Variants in NPM2 observed in about 807,000 individuals in gnomAD.
The protein encoded by NPM2 is nucleophosmin/nucleoplasmin 2, also known as nucleoplasmin-2.
NPM2 carries 25 observed loss-of-function variants against 32.0 expected under a neutral mutation model. The observed-to-expected ratio is 0.78, with a 90% CI of 0.57 to 1.09. The LOEUF is 1.09. NPM2 is among the 50% of genes least tolerant of loss of function. The probability of loss-of-function intolerance (pLI) is 0.00; values close to 1 mark genes in which losing one functional copy is unlikely to be tolerated. For synonymous variants in NPM2, 111 were observed against 94.2 expected, an observed-to-expected ratio of 1.18 and a Z score of -1.04; for missense variants, 282 against 259.9, an observed-to-expected ratio of 1.08 and a Z score of -0.58.
chr8:22,034,658 C>CAT, intron 8 of NPM2, 114 bp downstream of exon 8: 1 of 849,616 alleles, frequency 1.2e-6, no homozygotes, highest in Non-Finnish European at 1.9e-6. Context: ...GGTGTGTCTA[C>CAT]CTGCACTCGC....
intron 7 of NPM2, 106 bp downstream of exon 7, chr8:22,034,381 C>G: frequency 7.3e-7 from 1 of 1,376,408 alleles, no homozygotes; most frequent in Middle Eastern, 2.0e-4. Context: ...AATGAGTGTA[C>G]AGGATGGGCC....
intron 5 of NPM2, among the ~76,000 whole-genome samples, chr8:22,026,168 AG>A (rs1305356679): frequency 6.6e-6 from 1 of 152,110 alleles, no homozygotes; most frequent in Non-Finnish European, 1.5e-5. Context: ...TGTGCGTGCG[AG>A]GGGTCTAGGT....
intron 5 of NPM2, 24 bp from the exon 6 acceptor site, chr8:22,033,106 C>T (rs775453925): frequency 2.3e-5 from 37 of 1,592,974 alleles, no homozygotes; most frequent in Non-Finnish European, 3.1e-5. Flanking sequence ...GTGGCCCTGT[C>T]TTCTCTGCTT....
rs1462470714 is a variant in NPM2 at position 22,033,354 on chromosome 8, C to G, written c.364+131C>G. On this transcript the variant is annotated intron_variant, in intron 6 of 9. Transcript: ENST00000518119. ...AAAATCCCCAAAGGCAACATGACAG[C>G]CAGCAGCCTGGACTGGAAGGCAAGG... is the stretch of plus-strand genomic sequence containing the variant. The G allele has an allele frequency of 4.0e-6, 3 of 753,770 alleles. No homozygotes were observed. In the East Asian group the frequency reaches 8.1e-5, roughly 20 times the overall value. The allele number at this position is 753,770 out of a possible 1,614,324, so 46.7% of individuals were successfully genotyped here.
chr8:22,033,239 C>A lies in NPM2; in HGVS notation c.364+16C>A. On this transcript the variant is annotated intron_variant, in intron 6 of 9. Coordinates refer to ENST00000518119, the MANE Select transcript of NPM2 (RefSeq NM_001286680.2). ...GAACGTTATGGTAAGTCAGAGCCTG[C>A]GATCAGGAAGGTCCGTGAGTACCGT... 2 of 1,603,246 alleles carry A rather than the reference C, an allele frequency of 1.2e-6. No individual in the cohort carries two copies. Among genetic ancestry groups the A allele is most frequent in the Non-Finnish European group, 1.7e-6 (2 of 1,170,170 alleles).
rs1563350404 is a variant in NPM2, at chr8:22,025,469, C to T, written c.92C>T (p.Thr31Ile). The T allele has an allele frequency of 3.7e-6, 6 of 1,614,138 alleles. No homozygotes were observed. The highest frequency in any genetic ancestry group is 2.2e-5 in the East Asian group (1 of 44,884). ...CELSQERRTW[T>I]FRPQLEGKQS... ...CTCAGTCAGGAGAGGCGGACTTGGACCTTCAGACCCCAGCTGGAGGGGAAG... is the reference window on the plus strand; with the variant it reads ...CTCAGTCAGGAGAGGCGGACTTGGATCTTCAGACCCCAGCTGGAGGGGAAG... Residue 31 changes from threonine to isoleucine, a missense_variant, in exon 4 of 10, where the codon ACC becomes ATC. Transcript: ENST00000518119.
intron 5 of NPM2, among the ~76,000 whole-genome samples, chr8:22,032,278 C>T (rs569522499): frequency 1.3e-5 from 2 of 152,292 alleles, no homozygotes; most frequent in East Asian, 3.9e-4. Flanking sequence ...ATGGTTAGCA[C>T]TTTAATATAT....
chr8:22,034,648 G>C, intron 8 of NPM2, 104 bp downstream of exon 8: 1 of 960,800 alleles, frequency 1.0e-6, no homozygotes, highest in Non-Finnish European at 1.6e-6. Flanking sequence ...ATGTACACAC[G>C]GTGTGTCTAC....
chr8:22,031,316 A>G (rs1563354720), intron 5 of NPM2, among the ~76,000 whole-genome samples: 1 of 152,242 alleles, frequency 6.6e-6, no homozygotes, highest in East Asian at 1.9e-4. Flanking sequence ...CTAATCCTCA[A>G]CACTTACCTT....
At position 22,034,094 on chromosome 8, in the gene NPM2, C is replaced by T. The variant is rs1800532356; in HGVS notation, c.365-15C>T. Reference sequence around the variant, plus strand: ...CTGAAGCTGTGCCCCTGCATCCTTTCCCATGCTATTACAGAAGCATCAGAC... The same window carrying T: ...CTGAAGCTGTGCCCCTGCATCCTTTTCCATGCTATTACAGAAGCATCAGAC... On this transcript the variant is annotated splice_polypyrimidine_tract_variant and intron_variant, in intron 6 of 9. Transcript: ENST00000518119. The T allele has an allele frequency of 6.4e-7, 1 of 1,571,290 alleles. No individual in the cohort carries two copies. The highest frequency in any genetic ancestry group is 1.8e-5 in the Admixed American group (1 of 54,984).
intron 5 of NPM2, 28 bp from the exon 6 acceptor site, chr8:22,033,102 C>T (rs1479655775): frequency 2.5e-6 from 4 of 1,577,754 alleles, no homozygotes; most frequent in African/African-American, 1.3e-5. Context: ...CTAAGTGGCC[C>T]TGTCTTCTCT....
At chr8:22,026,908 G>A (rs1447948180) in intron 5 of NPM2, among the ~76,000 whole-genome samples, 2 of 152,190 alleles carry the variant, frequency 1.3e-5, no homozygotes, top group African/African-American at 4.8e-5. Context: ...GGTTAAGGAA[G>A]TCCCCATCTA....
At chr8:22,032,116 G>C (rs1800461702) in intron 5 of NPM2, among the ~76,000 whole-genome samples, 1 of 152,160 alleles carries the variant, frequency 6.6e-6, no homozygotes, top group Admixed American at 6.6e-5. Flanking sequence ...TTTCTTGTGA[G>C]GATTTAATGA....
chr8:22,029,022 C>T (rs1800349120), intron 5 of NPM2, among the ~76,000 whole-genome samples: 1 of 148,196 alleles, frequency 6.7e-6, no homozygotes, highest in South Asian at 2.1e-4. Context: ...TATAGAATCT[C>T]ATTCTAATTT....
chr8:22,026,771 T>G lies in NPM2; in HGVS notation c.270+999T>G, dbSNP rs569832006. Among the ~76,000 whole-genome samples the G allele has an allele frequency of 2.0e-4, 30 of 152,314 alleles. 1 individual carries two copies. The South Asian group carries it at 6.0e-3, about 30-fold the overall frequency. Reference sequence around the variant, plus strand: ...CGCCAGGTCTTTTTTCTTTCTTTCTTTCTTTTAATCCTACTGCACTGGCTA... The same window carrying G: ...CGCCAGGTCTTTTTTCTTTCTTTCTGTCTTTTAATCCTACTGCACTGGCTA... On this transcript the variant is annotated intron_variant, in intron 5 of 9. Coordinates refer to ENST00000518119, the MANE Select transcript of NPM2 (RefSeq NM_001286680.2).
chr8:22,025,859 C>T lies in NPM2; in HGVS notation c.270+87C>T. On this transcript the variant is annotated intron_variant, in intron 5 of 9. Transcript: ENST00000518119. ...ATGGACACACACGAGGGTGCATTCA[C>T]CCTACAGAAATGAGCCATGCTAGGG... 3 of 1,581,432 alleles carry T rather than the reference C, an allele frequency of 1.9e-6. No individual in the cohort carries two copies. In the African/African-American group the frequency reaches 4.0e-5, roughly 21 times the overall value.
chr8:22,031,097 T>A (rs1236439393), intron 5 of NPM2, among the ~76,000 whole-genome samples: 1 of 152,160 alleles, frequency 6.6e-6, no homozygotes, highest in Non-Finnish European at 1.5e-5. Context: ...AAGCTTGGGA[T>A]TTTCTGTACA....
At chr8:22,025,405 G>A in intron 3 of NPM2, 31 bp from the exon 4 acceptor site, 1 of 1,609,586 alleles carries the variant, frequency 6.2e-7, no homozygotes, top group Non-Finnish European at 8.5e-7. Flanking sequence ...ACGAATGGAG[G>A]GCCCCACTTC....
At position 22,025,761 on chromosome 8, in the gene NPM2, G is replaced by T. The variant is rs768193860; in HGVS notation, c.259G>T (p.Val87Phe). The T allele has an allele frequency of 4.3e-6, 7 of 1,613,946 alleles. No individual in the cohort carries two copies. In the South Asian group the frequency reaches 6.6e-5, roughly 15 times the overall value. ...PVTIASLQASVLPMVSMVGVQ... is the reference protein window; with the variant it reads ...PVTIASLQASFLPMVSMVGVQ... The stretch of plus-strand genomic sequence containing the variant: ...CACCATTGCCTCACTCCAGGCCTCA[G>T]TCCTCCCCATGGTGCGCATTTCCCT... Residue 87 changes from valine to phenylalanine, a missense_variant, in exon 5 of 10, where the codon GTC becomes TTC. Transcript: ENST00000518119.
Sources: allele counts gnomAD v4.1 joint callset (sites outside exome capture counted in the v4.1 genomes callset), GRCh38; gene constraint gnomAD v4.1.1; transcripts MANE v1.5; gene names NCBI Gene and HGNC (gene_info 2026-07-23, HGNC 2026-07-21).